The following SSH2 variants were observed in gnomAD, a reference collection of about 807,000 sequenced individuals.
SSH2 encodes the protein protein phosphatase Slingshot homolog 2.
Under a neutral mutation model 135.2 loss-of-function variants are expected in SSH2, and 37 were observed. The observed-to-expected ratio is 0.27, with a 90% CI of 0.21 to 0.36. The LOEUF is 0.36. SSH2 is among the 10% of genes least tolerant of loss of function. The pLI is 1.00. For synonymous variants in SSH2, 628 were observed against 646.2 expected (o/e 0.97, Z 0.43); for missense variants, 1,408 against 1,765.3 (o/e 0.80, Z 3.63).
At chr17:29,753,136 T>TAA (rs1410989614) in intron 3 of SSH2, among the ~76,000 whole-genome samples, 8 of 152,248 alleles carry the variant, frequency 5.3e-5, no homozygotes, top group African/African-American at 1.9e-4. Flanking sequence ...TATCTGCCTT[T>TAA]TTTAAATTTT....
chr17:29,913,249 T>C (rs1022662321), intron 1 of SSH2, among the ~76,000 whole-genome samples: 2 of 129,074 alleles, frequency 1.5e-5, no homozygotes, highest in African/African-American at 6.1e-5. Flanking sequence ...ACCTGGGAGG[T>C]GGAGGTTGCA....
chr17:29,854,215 A>G (rs1323379279), intron 1 of SSH2, among the ~76,000 whole-genome samples: 2 of 151,942 alleles, frequency 1.3e-5, no homozygotes, highest in African/African-American at 4.8e-5. Context: ...CTGAGCTCAC[A>G]ATGAGTCATT....
At position 29,821,677 on chromosome 17, in the gene SSH2, G is replaced by A. The variant is rs2042653470; in HGVS notation, c.144+27172C>T. On this transcript the variant is annotated intron_variant, in intron 2 of 15. Coordinates refer to ENST00000540801, the MANE Select transcript of SSH2 (RefSeq NM_001282129.2). ...TTTTTTTTTTTTGAGGTGGAGTCTC[G>A]CTCTGTTGCCAGGCTGGAGTGCAGC... Among the ~76,000 whole-genome samples, 5 of 145,786 alleles carry A rather than the reference G, an allele frequency of 3.4e-5. No individual in the cohort carries two copies. In the Admixed American group the frequency reaches 3.4e-4, roughly 10 times the overall value.
At chr17:29,780,295 G>A (rs535443283) in intron 3 of SSH2, among the ~76,000 whole-genome samples, 1 of 152,252 alleles carries the variant, frequency 6.6e-6, no homozygotes, top group South Asian at 2.1e-4. Context: ...TCAATATTCA[G>A]TTTCTCCATG....
At position 29,632,950 on chromosome 17, in the gene SSH2, G is replaced by A. The variant is rs1402387935; in HGVS notation, c.2263-19C>T. The A allele has an allele frequency of 6.4e-7, 1 of 1,573,834 alleles. No homozygotes were observed. ...AAATTGCCTAAGAAGAGAAAGTAGT[G>A]AGAAGATTATGGCAAACTGTAGTCT... is the stretch of plus-strand genomic sequence containing the variant. On this transcript the variant is annotated intron_variant, in intron 15 of 15. Coordinates refer to ENST00000540801, the MANE Select transcript of SSH2 (RefSeq NM_001282129.2).
At chr17:29,773,747 G>A (rs528365168) in intron 3 of SSH2, among the ~76,000 whole-genome samples, 2 of 152,176 alleles carry the variant, frequency 1.3e-5, no homozygotes, top group South Asian at 4.1e-4. Flanking sequence ...GCACGATCTC[G>A]GCTCACCACA....
intron 3 of SSH2, among the ~76,000 whole-genome samples, chr17:29,791,358 T>A (rs2042061986): frequency 6.6e-6 from 1 of 152,206 alleles, no homozygotes; most frequent in Non-Finnish European, 1.5e-5. Flanking sequence ...AATGCTGGGA[T>A]TACAGGCATG....
At chr17:29,921,123 T>C (rs2066969112) in intron 1 of SSH2, among the ~76,000 whole-genome samples, 1 of 152,158 alleles carries the variant, frequency 6.6e-6, no homozygotes, top group African/African-American at 2.4e-5. Context: ...AATAAAATAC[T>C]AGTGATTAAG....
At chr17:29,832,411 C>T (rs1024531727) in intron 2 of SSH2, among the ~76,000 whole-genome samples, 15 of 151,666 alleles carry the variant, frequency 9.9e-5, no homozygotes, top group Admixed American at 8.5e-4. Context: ...GGATTATAGG[C>T]GTGAGCCTGG....
intron 2 of SSH2, among the ~76,000 whole-genome samples, chr17:29,817,898 C>T (rs914915546): frequency 6.6e-6 from 1 of 152,086 alleles, no homozygotes; most frequent in East Asian, 1.9e-4. Flanking sequence ...ACTGGGACTA[C>T]AGGCATGTGC....
At chr17:29,640,559 C>G (rs556867875) in intron 14 of SSH2, 1 of 152,006 alleles carries the variant, frequency 6.6e-6, no homozygotes, top group Admixed American at 6.6e-5. Context: ...AAATACTGGG[C>G]CAGGGCTCTG....
At chr17:29,823,199 G>C (rs2042683619) in intron 2 of SSH2, among the ~76,000 whole-genome samples, 1 of 151,982 alleles carries the variant, frequency 6.6e-6, no homozygotes, top group Non-Finnish European at 1.5e-5. Flanking sequence ...TCTTTGAGGA[G>C]TTTCATGTAA....
chr17:29,794,936 C>A (rs2042132102), intron 2 of SSH2, among the ~76,000 whole-genome samples: 1 of 152,188 alleles, frequency 6.6e-6, no homozygotes, highest in African/African-American at 2.4e-5. Context: ...GATGAAGAGG[C>A]TTTTTCTTTA....
chr17:29,774,496 C>T (rs1567965816), intron 3 of SSH2, among the ~76,000 whole-genome samples: 1 of 152,148 alleles, frequency 6.6e-6, no homozygotes, highest in Non-Finnish European at 1.5e-5. Flanking sequence ...AACTCTTGAC[C>T]TCAGGTGATC....
At chr17:29,782,394 A>G (rs750588807) in intron 3 of SSH2, among the ~76,000 whole-genome samples, 1 of 152,202 alleles carries the variant, frequency 6.6e-6, no homozygotes, top group Non-Finnish European at 1.5e-5. Context: ...GCTCTCGTAC[A>G]GGAACTAGCC....
In SSH2 at chr17:29,817,884, A is replaced by G. The variant is rs118140820; in HGVS notation, c.145-23947T>C. On this transcript the variant is annotated intron_variant, in intron 2 of 15. Coordinates refer to ENST00000540801, the MANE Select transcript of SSH2 (RefSeq NM_001282129.2). ...GGGATCCTCCCGCCTCAGCCTCCAG[A>G]GTAACTGGGACTACAGGCATGTGCC... Among the ~76,000 whole-genome samples, 4 of 152,232 alleles carry G rather than the reference A, an allele frequency of 2.6e-5. No individual in the cohort carries two copies. In the East Asian group the frequency reaches 7.7e-4, roughly 29 times the overall value.
rs762949965 is a variant in SSH2, at chr17:29,632,359, G to A, written c.2835C>T (p.Pro945=). Residue 945 remains proline (P), a synonymous_variant, in exon 16 of 16, where the codon CCC becomes CCT. Transcript: ENST00000540801. ...LAPKGKSDEA[P]PEHSFVLKEP... ...CCTTGAGGACAAATGAATGTTCTGGGGGGGCTTCATCACTTTTCCCTTTTG... is the reference window on the plus strand; with the variant it reads ...CCTTGAGGACAAATGAATGTTCTGGAGGGGCTTCATCACTTTTCCCTTTTG... 6.2e-7 allele frequency: 1 copy of A among 1,613,884 alleles called. No individual in the cohort carries two copies. The highest frequency in any genetic ancestry group is 8.5e-7 in the Non-Finnish European group (1 of 1,179,920).
chr17:29,668,237 C>T (rs1175386114), intron 9 of SSH2, among the ~76,000 whole-genome samples: 2 of 152,198 alleles, frequency 1.3e-5, no homozygotes, highest in East Asian at 3.8e-4. Flanking sequence ...TGCTCCAACC[C>T]CACAACCTTG....
intron 3 of SSH2, among the ~76,000 whole-genome samples, chr17:29,721,146 TCTAGA>T (rs2039809869): frequency 6.6e-6 from 1 of 152,226 alleles, no homozygotes; most frequent in Non-Finnish European, 1.5e-5. Flanking sequence ...TTTGCAGTAC[TCTAGA>T]GTGGGATGTG....
Sources: gnomAD v4.1 joint callset for allele counts (sites outside exome capture counted in the v4.1 genomes callset) on GRCh38, gnomAD v4.1.1 for gene constraint, MANE v1.5 for transcripts, NCBI Gene and HGNC (gene_info 2026-07-23, HGNC 2026-07-21) for gene names.